CD4: variants seen among roughly 807,000 people sequenced by gnomAD.
CD4 encodes CD4 molecule, also known as T-cell surface glycoprotein CD4.
CD4 carries 25 observed loss-of-function variants against 50.5 expected under a neutral mutation model. The observed-to-expected ratio is 0.49, with a 90% CI of 0.36 to 0.69. The LOEUF (loss-of-function observed/expected upper bound fraction) is 0.69, where lower values mean the gene tolerates loss of function less well. CD4 is among the 30% of genes least tolerant of loss of function. CD4 has a pLI of 0.00. For missense variants in CD4, 456 were observed against 548.5 expected (o/e 0.83, Z 1.68); for synonymous variants, 207 against 221.9 (o/e 0.93, Z 0.60).
chr12:6,807,354 A>G (rs1218375366), intron 3 of CD4, among the ~76,000 whole-genome samples: 1 of 152,202 alleles, frequency 6.6e-6, no homozygotes, highest in Non-Finnish European at 1.5e-5. Flanking sequence ...GTGAATGATT[A>G]CATCCATACC....
At chr12:6,801,768 G>A (rs782394360) in intron 3 of CD4, among the ~76,000 whole-genome samples, 3 of 150,446 alleles carry the variant, frequency 2.0e-5, no homozygotes, top group Middle Eastern at 3.5e-3. Flanking sequence ...CACGGTGTTA[G>A]CCAGGCTGGT....
rs28917473 is a variant in CD4, at chr12:6,795,962, C to T, written c.-67-4110C>T. Among the ~76,000 whole-genome samples, 1,020 of 152,308 alleles carry T rather than the reference C, an allele frequency of 6.7e-3. 9 individuals carry two copies. Among genetic ancestry groups the T allele is most frequent in the African/African-American group, 0.023 (970 of 41,570 alleles). Reference sequence around the variant, plus strand: ...GGCAGGGCCCCGTGGGGATGAACAGCTTGGATTGGGGCGACTGGGCTTCAT... The same window carrying T: ...GGCAGGGCCCCGTGGGGATGAACAGTTTGGATTGGGGCGACTGGGCTTCAT... On this transcript the variant is annotated intron_variant, in intron 1 of 9. Coordinates refer to ENST00000011653, the MANE Select transcript of CD4 (RefSeq NM_000616.5).
Position 6,814,913 on chromosome 12 carries a change from C to T in CD4, c.528C>T (p.Leu176=), listed in dbSNP as rs1943046619. The change falls in exon 5 of 10, where the codon CTC becomes CTT. Residue 176 remains leucine (L), a synonymous_variant. Transcript: ENST00000011653. ...GKTLSVSQLE[L]QDSGTWTCTV... ...CCCTCTCCGTGTCTCAGCTGGAGCTCCAGGATAGTGGCACCTGGACATGCA... is the reference window on the plus strand; with the variant it reads ...CCCTCTCCGTGTCTCAGCTGGAGCTTCAGGATAGTGGCACCTGGACATGCA... 1 of 1,613,472 alleles carries T rather than the reference C, an allele frequency of 6.2e-7. No homozygotes were observed. Among genetic ancestry groups the T allele is most frequent in the African/African-American group, 1.3e-5 (1 of 74,856 alleles).
chr12:6,816,033 G>C lies in CD4; in HGVS notation c.608-23G>C. The stretch of plus-strand genomic sequence containing the variant: ...CTCATCTTCCTATCTCCTCACCCAG[G>C]GTCTCTCCCTTCCCACCTCCAGCTT... On this transcript the variant is annotated intron_variant, in intron 5 of 9. Coordinates refer to ENST00000011653, the MANE Select transcript of CD4 (RefSeq NM_000616.5). This position sits in a 1 kb window ranked among gnomAD's most constrained non-coding sequence, Gnocchi z 4.9. 1 of 1,613,658 alleles carries C rather than the reference G, an allele frequency of 6.2e-7. No homozygotes were observed. Among genetic ancestry groups the C allele is most frequent in the African/African-American group, 1.3e-5 (1 of 74,988 alleles).
chr12:6,805,106 C>G (rs1329815395), intron 3 of CD4, among the ~76,000 whole-genome samples: 10 of 392 alleles, frequency 0.026, no homozygotes, highest in African/African-American at 0.06. Context: ...ATTGCTTGAG[C>G]CCTAGGAGGG....
chr12:6,803,216 T>A (rs1245459640), intron 3 of CD4, among the ~76,000 whole-genome samples: 1 of 152,096 alleles, frequency 6.6e-6, no homozygotes. Context: ...AGTGGCATGA[T>A]CTCGGCTAAC....
Position 6,794,159 on chromosome 12 carries a change from G to A in CD4, c.-68+4497G>A, listed in dbSNP as rs529980156. ...ACGATCTCGGCTCACTGCAACCTCC[G>A]CCTCCCGGGTTCAAGCGATTCTCCT... On this transcript the variant is annotated intron_variant, in intron 1 of 9. Coordinates refer to ENST00000011653, the MANE Select transcript of CD4 (RefSeq NM_000616.5). Among the ~76,000 whole-genome samples the A allele has an allele frequency of 1.3e-3, 201 of 150,184 alleles. 3 individuals carry two copies. The highest frequency in any genetic ancestry group is 0.013 in the Admixed American group (193 of 15,016).
At chr12:6,817,417 C>A in intron 7 of CD4, 87 bp downstream of exon 7, 1 of 1,182,820 alleles carries the variant, frequency 8.5e-7, no homozygotes, top group Non-Finnish European at 1.2e-6. Context: ...CCCGGCCTCC[C>A]AATGCCTGAG....
At chr12:6,811,408 C>T (rs1243534776) in intron 3 of CD4, among the ~76,000 whole-genome samples, 3 of 151,958 alleles carry the variant, frequency 2.0e-5, no homozygotes, top group Non-Finnish European at 4.4e-5. Context: ...AAGAACTTTC[C>T]AGAGATAGCA....
At chr12:6,817,618 C>T (rs1555118168) in intron 7 of CD4, among the ~76,000 whole-genome samples, 1 of 151,944 alleles carries the variant, frequency 6.6e-6, no homozygotes, top group African/African-American at 2.4e-5. Context: ...GAGCCCCCCT[C>T]CCTGGCTCCT....
Position 6,792,203 on chromosome 12 carries a change from GC to G in CD4, c.-68+2543del, listed in dbSNP as rs1394487675. Among the ~76,000 whole-genome samples the G allele has an allele frequency of 3.9e-5, 6 of 152,120 alleles. No individual in the cohort carries two copies. ...GGGGTTATGGGGAGAAGATAAAAGT[GC>G]CTGTGGGACCACAGACTCTCGCTGT... is the stretch of plus-strand genomic sequence containing the variant. On this transcript the variant is annotated intron_variant, in intron 1 of 9. Coordinates refer to ENST00000011653, the MANE Select transcript of CD4 (RefSeq NM_000616.5). The surrounding 1 kb of genome is among the most constrained non-coding windows in gnomAD (Gnocchi z 4.1).
chr12:6,808,128 G>T (rs1294372842), intron 3 of CD4, among the ~76,000 whole-genome samples: 2 of 147,084 alleles, frequency 1.4e-5, no homozygotes, highest in Non-Finnish European at 3.0e-5. Context: ...CCAGGAAAGC[G>T]TATAATTTTT....
rs529055852 is a variant in CD4, at chr12:6,797,676, CTG to C, written c.-67-2392_-67-2391del. Among the ~76,000 whole-genome samples the C allele has an allele frequency of 1.2e-4, 18 of 152,208 alleles. No individual in the cohort carries two copies. The East Asian group carries it at 3.5e-3, about 29-fold the overall frequency. Reference sequence around the variant, plus strand: ...GCAGAAAAACATATGAGCAAAGACTCTGTGTCATAAATAAGTTTAAGGAAAGG... The same window carrying C: ...GCAGAAAAACATATGAGCAAAGACTCTGTCATAAATAAGTTTAAGGAAAGG... On this transcript the variant is annotated intron_variant, in intron 1 of 9. Coordinates refer to ENST00000011653, the MANE Select transcript of CD4 (RefSeq NM_000616.5).
chr12:6,804,011 T>G (rs1245315872), intron 3 of CD4, among the ~76,000 whole-genome samples: 1 of 151,474 alleles, frequency 6.6e-6, no homozygotes, highest in East Asian at 1.9e-4. Context: ...CTTGGGAGGC[T>G]GAGGCAGGAG....
intron 5 of CD4, 58 bp from the exon 6 acceptor site, chr12:6,815,998 C>T (rs1943073555): frequency 1.9e-6 from 3 of 1,607,024 alleles, no homozygotes; most frequent in Non-Finnish European, 2.5e-6. Context: ...GCCAACCCCA[C>T]TCGTGCACCC....
intron 3 of CD4, 86 bp downstream of exon 3, chr12:6,800,557 C>T: frequency 8.3e-7 from 1 of 1,211,646 alleles, no homozygotes; most frequent in East Asian, 2.4e-5. Context: ...CTTAGTTAAA[C>T]TCTGGGATCC....
At chr12:6,795,049 G>A (rs1162751259) in intron 1 of CD4, among the ~76,000 whole-genome samples, 1 of 151,804 alleles carries the variant, frequency 6.6e-6, no homozygotes, top group South Asian at 2.1e-4. Context: ...GCCTCCCAAA[G>A]TGCTGGGAGT....
At chr12:6,811,286 T>A (rs921160440) in intron 3 of CD4, among the ~76,000 whole-genome samples, 50 of 152,214 alleles carry the variant, frequency 3.3e-4, no homozygotes, top group African/African-American at 1.2e-3. Flanking sequence ...TCTACAGAGA[T>A]TTTGGAGCTT....
At chr12:6,806,135 C>T (rs1395211171) in intron 3 of CD4, among the ~76,000 whole-genome samples, 2 of 107,532 alleles carry the variant, frequency 1.9e-5, no homozygotes, top group African/African-American at 3.5e-5. Context: ...CCCGTCTCTA[C>T]CAAAAAAAAA....
Sources: gnomAD v4.1 joint callset for allele counts (sites outside exome capture counted in the v4.1 genomes callset) on GRCh38, gnomAD v4.1.1 for gene constraint, Gnocchi (gnomAD v3.1) non-coding constraint, MANE v1.5 for transcripts, NCBI Gene and HGNC (gene_info 2026-07-23, HGNC 2026-07-21) for gene names.